Variants in ZNF385B observed in about 807,000 individuals in gnomAD.
ZNF385B encodes zinc finger protein 385B.
In ZNF385B, 23 loss-of-function variants were observed where a neutral mutation model predicts 39.2. The ratio of observed to expected loss-of-function variants is 0.59; its 90% CI spans 0.42 to 0.83. The LOEUF (loss-of-function observed/expected upper bound fraction) is 0.83. Among genes scored for constraint, ZNF385B ranks in the 40% least tolerant of loss-of-function variants. ZNF385B has a pLI of 0.00. For missense variants in ZNF385B, 552 were observed against 598.9 expected, an observed-to-expected ratio of 0.92 and a Z score of 0.82; for synonymous variants, 205 against 222.6, an observed-to-expected ratio of 0.92 and a Z score of 0.70.
chr2:179,854,268 T>C (rs1684406983), intron 1 of ZNF385B, among the ~76,000 whole-genome samples: 1 of 152,210 alleles, frequency 6.6e-6, no homozygotes, highest in Admixed American at 6.5e-5. Flanking sequence ...AGTTTTCTAC[T>C]CTTACTTGTA....
intron 6 of ZNF385B, 46 bp from the exon 7 acceptor site, chr2:179,446,816 T>A: frequency 6.5e-7 from 1 of 1,534,628 alleles, no homozygotes; most frequent in East Asian, 2.3e-5. Flanking sequence ...ATATATCATA[T>A]AAACAAAGAT....
At chr2:179,606,474 ATATT>A (rs1688812056) in intron 3 of ZNF385B, among the ~76,000 whole-genome samples, 2 of 152,100 alleles carry the variant, frequency 1.3e-5, no homozygotes, top group Non-Finnish European at 2.9e-5. Flanking sequence ...GACTCTTCAC[ATATT>A]TATCCCCTTT....
intron 1 of ZNF385B, among the ~76,000 whole-genome samples, chr2:179,818,232 T>G (rs1484456206): frequency 1.3e-5 from 2 of 152,176 alleles, no homozygotes; most frequent in Non-Finnish European, 2.9e-5. Context: ...AAGTGCAGTT[T>G]TATTAAAATT....
chr2:179,781,538 A>G (rs1218332387), intron 1 of ZNF385B, among the ~76,000 whole-genome samples: 1 of 152,216 alleles, frequency 6.6e-6, no homozygotes, highest in Non-Finnish European at 1.5e-5. Context: ...AAAAAATAAT[A>G]AAGTTTTTAA....
At chr2:179,711,910 A>T (rs576297387) in intron 3 of ZNF385B, among the ~76,000 whole-genome samples, 31 of 130,834 alleles carry the variant, frequency 2.4e-4, no homozygotes, top group Non-Finnish European at 4.3e-4. Flanking sequence ...TTTTTTTTAC[A>T]AATGGTAGCA....
At chr2:179,793,972 T>A (rs1398486862) in intron 1 of ZNF385B, among the ~76,000 whole-genome samples, 2 of 152,246 alleles carry the variant, frequency 1.3e-5, no homozygotes, top group Non-Finnish European at 2.9e-5. Context: ...ATGACATATT[T>A]ATAGTTTTGG....
intron 1 of ZNF385B, among the ~76,000 whole-genome samples, chr2:179,774,870 T>C (rs1212478023): frequency 4.6e-5 from 7 of 152,202 alleles, no homozygotes; most frequent in Non-Finnish European, 1.0e-4. Flanking sequence ...CATGGGTATA[T>C]TGTGTCAGCA....
intron 3 of ZNF385B, among the ~76,000 whole-genome samples, chr2:179,591,543 G>A (rs1211292503): frequency 6.6e-6 from 1 of 152,076 alleles, no homozygotes; most frequent in East Asian, 1.9e-4. Context: ...GTTCTTTGCT[G>A]ATGAAATTTT....
At chr2:179,735,094 A>C (rs1701655073) in intron 3 of ZNF385B, among the ~76,000 whole-genome samples, 1 of 152,188 alleles carries the variant, frequency 6.6e-6, no homozygotes, top group African/African-American at 2.4e-5. Flanking sequence ...GTGAACAGGC[A>C]ACCTACAGAA....
chr2:179,618,783 C>G (rs1206811342), intron 3 of ZNF385B, among the ~76,000 whole-genome samples: 1 of 152,152 alleles, frequency 6.6e-6, no homozygotes, highest in Non-Finnish European at 1.5e-5. Context: ...CTAAAACTTC[C>G]ATGTTTCTGC....
intron 1 of ZNF385B, among the ~76,000 whole-genome samples, chr2:179,781,577 GAGT>G (rs1318890909): frequency 6.6e-6 from 1 of 152,106 alleles, no homozygotes; most frequent in Non-Finnish European, 1.5e-5. Context: ...CATGACTCTG[GAGT>G]AGGCAAAGAC....
In ZNF385B at chr2:179,807,381, T is replaced by C. The variant is rs181731809; in HGVS notation, c.-154-36709A>G. 6.7e-3 allele frequency among the ~76,000 whole-genome samples: 996 copies of C among 148,528 alleles called. 12 individuals are homozygous for C. The highest frequency in any genetic ancestry group is 0.024 in the African/African-American group (954 of 39,854). On this transcript the variant is annotated intron_variant, in intron 1 of 9. Transcript: ENST00000410066. ...GGGAGGCCGAGGTGGGCAGATCACC[T>C]GAGGTCAAGAGTTCGAGACCAGCCT...
intron 1 of ZNF385B, among the ~76,000 whole-genome samples, chr2:179,858,334 C>T (rs1684765432): frequency 6.6e-6 from 1 of 152,012 alleles, no homozygotes; most frequent in Non-Finnish European, 1.5e-5. Context: ...AGAGCTTAAA[C>T]CTGGTAGAGT....
At position 179,493,803 on chromosome 2, in the gene ZNF385B, A is replaced by ATATGCATATATGTATACATATATG. The variant is rs1559338808; in HGVS notation, c.553-10370_553-10369insCATATATGTATACATATATGCATA. Among the ~76,000 whole-genome samples, 10 of 119,636 alleles carry ATATGCATATATGTATACATATATG rather than the reference A, an allele frequency of 8.4e-5. No individual in the cohort carries two copies. The East Asian group carries it at 2.4e-3, about 28-fold the overall frequency. The allele number at this position is 119,636 out of a possible 152,430, so 78.5% of individuals were successfully genotyped here. On this transcript the variant is annotated intron_variant, in intron 5 of 9. Coordinates refer to ENST00000410066, the MANE Select transcript of ZNF385B (RefSeq NM_152520.6). Reference sequence around the variant, plus strand: ...TATACACATATGTATACATATATGTATATATACATATATATATAGCAGAGG... The same window carrying ATATGCATATATGTATACATATATG: ...TATACACATATGTATACATATATGTATATGCATATATGTATACATATATGTATATACATATATATATAGCAGAGG...
chr2:179,515,030 G>A (rs563518210), intron 5 of ZNF385B, among the ~76,000 whole-genome samples: 108 of 152,068 alleles, frequency 7.1e-4, no homozygotes, highest in Non-Finnish European at 1.1e-3. Flanking sequence ...CACCCGCCTC[G>A]GCCTTCCAAA....
Position 179,756,155 on chromosome 2 carries a change from GCT to G in ZNF385B, c.298+13346_298+13347del. Among the ~76,000 whole-genome samples the G allele has an allele frequency of 2.0e-5, 3 of 152,086 alleles. No homozygotes were observed. The East Asian group carries it at 5.8e-4, about 29-fold the overall frequency. On this transcript the variant is annotated intron_variant, in intron 3 of 9. Coordinates refer to ENST00000410066, the MANE Select transcript of ZNF385B (RefSeq NM_152520.6). ...TCCATGTTTAGTGCTTCCTTCAGGA[GCT>G]CTTTTAGGGCAGGCCTGGTGGTGAC...
In ZNF385B at chr2:179,680,657, C is replaced by T. The variant is rs144222233; in HGVS notation, c.298+88846G>A. Among the ~76,000 whole-genome samples, 9 of 152,244 alleles carry T rather than the reference C, an allele frequency of 5.9e-5. No homozygotes were observed. In the East Asian group the frequency reaches 1.3e-3, roughly 23 times the overall value. ...ATGTTATACTTCAATATAAAGCTTACTTAAAATATTCTTCTTTTTTGACTT... is the reference window on the plus strand; with the variant it reads ...ATGTTATACTTCAATATAAAGCTTATTTAAAATATTCTTCTTTTTTGACTT... On this transcript the variant is annotated intron_variant, in intron 3 of 9. Transcript: ENST00000410066.
intron 1 of ZNF385B, among the ~76,000 whole-genome samples, chr2:179,840,571 T>C (rs259832): frequency 0.042 from 6,407 of 152,264 alleles, 276 homozygotes; most frequent in African/African-American, 0.11. Context: ...CATTTGGTGG[T>C]TTACACTTTT....
chr2:179,839,899 C>G (rs1455108944), intron 1 of ZNF385B, among the ~76,000 whole-genome samples: 1 of 152,168 alleles, frequency 6.6e-6, no homozygotes, highest in Non-Finnish European at 1.5e-5. Context: ...AGGGAGGGAT[C>G]TGGGGAATAA....
Sources: gnomAD v4.1 joint callset for allele counts (sites outside exome capture counted in the v4.1 genomes callset) on GRCh38, gnomAD v4.1.1 for gene constraint, MANE v1.5 for transcripts, NCBI Gene and HGNC (gene_info 2026-07-23, HGNC 2026-07-21) for gene names.